Variants in STK3 observed in about 807,000 individuals in gnomAD.
STK3 encodes the protein serine/threonine kinase 3.
Under a neutral mutation model 58.0 loss-of-function variants are expected in STK3, and 41 were observed. The ratio of observed to expected loss-of-function variants is 0.71; its 90% CI spans 0.55 to 0.92. The LOEUF is 0.92. Among genes scored for constraint, STK3 ranks in the 40% least tolerant of loss-of-function variants. STK3 has a pLI of 0.00. For synonymous variants in STK3, 170 were observed against 191.0 expected (o/e 0.89, Z 0.91); for missense variants, 479 against 602.7 (o/e 0.79, Z 2.15).
At position 98,825,532 on chromosome 8, in the gene STK3, C is replaced by A. The variant is rs1220390079; in HGVS notation, c.9G>T (p.Gln3His). Reference protein sequence around the residue: MEQPPAPKSKLKK... With the variant: MEHPPAPKSKLKK... ...TTCGTTACCTCTTAGGCGCCGGCGG[C>A]TGCTCCATGGCGGCCGGGGACAGAG... is the stretch of plus-strand genomic sequence containing the variant. The change falls in exon 1 of 11, where the codon CAG (glutamine) becomes CAT (histidine). Residue 3 changes from glutamine (Q) to histidine (H), a missense_variant. This residue lies in a region of STK3 where 44 missense variants were observed against 37.0 expected (regional missense o/e 1.19). Transcript: ENST00000419617. 1 of 1,458,070 alleles carries A rather than the reference C, an allele frequency of 6.9e-7. No homozygotes were observed. Among genetic ancestry groups the A allele is most frequent in the Non-Finnish European group, 9.1e-7 (1 of 1,099,976 alleles). The allele number at this position is 1,458,070 out of a possible 1,614,324, so 90.3% of individuals were successfully genotyped here.
At chr8:98,672,394 T>TTTTTG (rs1040877119) in intron 6 of STK3, among the ~76,000 whole-genome samples, 7 of 152,232 alleles carry the variant, frequency 4.6e-5, no homozygotes, top group East Asian at 1.9e-4. Context: ...AAAGAAAGAA[T>TTTTTG]TTTTGTTTTG....
intron 10 of STK3, among the ~76,000 whole-genome samples, chr8:98,458,366 G>C (rs1370604819): frequency 6.6e-6 from 1 of 152,056 alleles, no homozygotes; most frequent in Non-Finnish European, 1.5e-5. Context: ...GTGTTTTGTA[G>C]TTCTCCCTGT....
At chr8:98,749,196 G>T in intron 4 of STK3, 80 bp downstream of exon 4, 2 of 1,086,274 alleles carry the variant, frequency 1.8e-6, no homozygotes, top group Non-Finnish European at 2.7e-6. Context: ...TATTTTCTGT[G>T]TAACAAAATA....
downstream of STK3, among the ~76,000 whole-genome samples, chr8:98,369,771 G>A (rs1297343772): frequency 6.6e-6 from 1 of 152,152 alleles, no homozygotes; most frequent in African/African-American, 2.4e-5. Flanking sequence ...TTGTTCAAAT[G>A]TTAAGACTGA....
Position 98,662,960 on chromosome 8 carries a change from T to C in STK3, c.684+43507A>G, listed in dbSNP as rs372716605. ...AACCTAGGCAATACCATTCAGGACA[T>C]AGGCATGGGCAAGGACTTCACGTCT... On this transcript the variant is annotated intron_variant, in intron 6 of 10. Transcript: ENST00000419617. Among the ~76,000 whole-genome samples, 14 of 152,152 alleles carry C rather than the reference T, an allele frequency of 9.2e-5. 1 individual carries two copies. The highest frequency in any genetic ancestry group is 3.3e-4 in the Admixed American group (5 of 15,288).
intron 9 of STK3, among the ~76,000 whole-genome samples, chr8:98,529,647 T>C (rs1826014608): frequency 6.6e-6 from 1 of 152,206 alleles, no homozygotes; most frequent in African/African-American, 2.4e-5. Flanking sequence ...GCATTATTCA[T>C]AACAGCTAAA....
intron 4 of STK3, among the ~76,000 whole-genome samples, chr8:98,727,997 T>G (rs1449611901): frequency 1.3e-5 from 2 of 152,202 alleles, no homozygotes; most frequent in Non-Finnish European, 2.9e-5. Flanking sequence ...ATACTTAAGC[T>G]TACATGTAAG....
the STK3 span, among the ~76,000 whole-genome samples, chr8:98,346,539 C>A: frequency 6.6e-6 from 1 of 151,668 alleles, no homozygotes; most frequent in South Asian, 2.1e-4. Flanking sequence ...AAAAGCACAT[C>A]AGTATAAAAT....
chr8:98,785,199 A>G (rs1832382535), intron 1 of STK3, among the ~76,000 whole-genome samples: 3 of 152,208 alleles, frequency 2.0e-5, no homozygotes, highest in African/African-American at 7.2e-5. Flanking sequence ...ATGCCCAGGC[A>G]TAACTCCAGG....
intron 1 of STK3, among the ~76,000 whole-genome samples, chr8:98,934,754 A>G (rs1275213416): frequency 3.3e-5 from 5 of 151,992 alleles, no homozygotes; most frequent in Admixed American, 3.3e-4. Flanking sequence ...CGTCTCTACT[A>G]AAAATACAAA....
At chr8:98,485,083 T>C (rs2131296411) in intron 10 of STK3, among the ~76,000 whole-genome samples, 1 of 151,972 alleles carries the variant, frequency 6.6e-6, no homozygotes, top group Middle Eastern at 3.4e-3. Flanking sequence ...CTACTAAAAA[T>C]ACAAAAAATT....
chr8:98,761,756 T>C (rs1281714078), intron 3 of STK3, among the ~76,000 whole-genome samples: 1 of 152,208 alleles, frequency 6.6e-6, no homozygotes, highest in African/African-American at 2.4e-5. Flanking sequence ...AAAGTTCAAA[T>C]TGCTGATACA....
intron 2 of STK3, among the ~76,000 whole-genome samples, chr8:98,772,316 T>A (rs1415865598): frequency 2.0e-5 from 3 of 152,176 alleles, no homozygotes; most frequent in African/African-American, 7.2e-5. Context: ...ATGGAACCTG[T>A]TAGGAGACGT....
rs1564039029 is a variant in STK3, at chr8:98,825,607, C to A, written c.-67G>T. 2 of 1,367,478 alleles carry A rather than the reference C, an allele frequency of 1.5e-6. No individual in the cohort carries two copies. The highest frequency in any genetic ancestry group is 1.9e-6 in the Non-Finnish European group (2 of 1,053,464). 84.7% of individuals were successfully genotyped at this position (1,367,478 alleles called of 1,614,324 possible). A position where few individuals can be genotyped will look rare whatever the true frequency, so the allele number is the denominator to read the frequency against. On this transcript the variant is annotated 5_prime_UTR_variant, in exon 1 of 11. Transcript: ENST00000419617. ...GCCGAAAGGAGGAAAGGAGCCGGGG[C>A]ACCGGCCGGCCGAGCCTAGGGCACC...
chr8:98,838,363 T>A (rs73277869), intron 3 of STK3, among the ~76,000 whole-genome samples: 2,727 of 152,296 alleles, frequency 0.018, 76 homozygotes, highest in African/African-American at 0.063. Context: ...GCCTGTGGCC[T>A]CTATGAATAA....
chr8:98,356,965 G>C, the STK3 span, among the ~76,000 whole-genome samples: 1 of 152,332 alleles, frequency 6.6e-6, no homozygotes, highest in African/African-American at 2.4e-5. Flanking sequence ...TAAAGTATCT[G>C]GAACTGGGCA....
At chr8:98,433,588 G>T (rs1251397764) in intron 3 of STK3, among the ~76,000 whole-genome samples, 1 of 152,116 alleles carries the variant, frequency 6.6e-6, no homozygotes, top group East Asian at 1.9e-4. Flanking sequence ...AAATGAGAAG[G>T]TTGGATTAGA....
chr8:98,369,261 G>T (rs1413634803), downstream of STK3, among the ~76,000 whole-genome samples: 8 of 152,216 alleles, frequency 5.3e-5, no homozygotes, highest in African/African-American at 1.9e-4. Context: ...GTATTTGGGA[G>T]TTAGGACCCT....
At chr8:98,663,576 G>A (rs1159894683) in intron 6 of STK3, among the ~76,000 whole-genome samples, 1 of 152,168 alleles carries the variant, frequency 6.6e-6, no homozygotes, top group African/African-American at 2.4e-5. Flanking sequence ...GCACACGTAT[G>A]TTTACTGCAG....
Sources: allele counts gnomAD v4.1 joint callset (sites outside exome capture counted in the v4.1 genomes callset), GRCh38; gene constraint gnomAD v4.1.1; regional missense constraint gnomAD v4.1.1; transcripts MANE v1.5; gene names NCBI Gene and HGNC (gene_info 2026-07-23, HGNC 2026-07-21).